Variants in DNMT1 observed in about 807,000 individuals in gnomAD.
The protein encoded by DNMT1 is DNA methyltransferase 1.
Under a neutral mutation model 205.3 loss-of-function variants are expected in DNMT1, and 24 were observed. That is an observed-to-expected ratio of 0.12 (90% CI 0.08 to 0.16). DNMT1 has a LOEUF of 0.16. Among genes scored for constraint, DNMT1 ranks in the 10% least tolerant of loss-of-function variants. The probability of loss-of-function intolerance (pLI) is 1.00; values close to 1 mark genes in which losing one functional copy is unlikely to be tolerated. For synonymous variants in DNMT1, 817 were observed against 839.8 expected (o/e 0.97, Z 0.47); for missense variants, 1,293 against 2,177.7 (o/e 0.59, Z 8.09).
intron 13 of DNMT1, among the ~76,000 whole-genome samples, chr19:10,162,001 C>T (rs892283004): frequency 6.6e-6 from 1 of 151,914 alleles, no homozygotes; most frequent in Admixed American, 6.6e-5. Context: ...ATCACCACAA[C>T]TGGCTAATTT....
At position 10,154,498 on chromosome 19, in the gene DNMT1, C is replaced by A. The variant is rs779863134; in HGVS notation, c.1833-19G>T. ...GGCTCGCCTACGGGAGAGGTTCCAG[C>A]ATCTCAGAGGACTGGGACAGAGGAT... On this transcript the variant is annotated intron_variant, in intron 21 of 40. Coordinates refer to ENST00000359526, the MANE Select transcript of DNMT1 (RefSeq NM_001130823.3). This position sits in a 1 kb window ranked among gnomAD's most constrained non-coding sequence, Gnocchi z 6.3. 4 of 1,614,176 alleles carry A rather than the reference C, an allele frequency of 2.5e-6. No homozygotes were observed. The highest frequency in any genetic ancestry group is 3.4e-6 in the Non-Finnish European group (4 of 1,180,040).
chr19:10,168,765 A>G (rs1165604237), intron 9 of DNMT1, among the ~76,000 whole-genome samples: 1 of 152,230 alleles, frequency 6.6e-6, no homozygotes, highest in Non-Finnish European at 1.5e-5. Context: ...TATTAAAGGA[A>G]TGAAATAGGA....
At chr19:10,149,389 A>G (rs930992437) in intron 26 of DNMT1, 64 bp downstream of exon 26, 7 of 1,560,626 alleles carry the variant, frequency 4.5e-6, no homozygotes, top group African/African-American at 4.1e-5. Context: ...AACAAAACAG[A>G]ACGCACGTCA....
In DNMT1 at chr19:10,137,088, C is replaced by T; in HGVS notation, c.4486G>A (p.Glu1496Lys). ...GALRGVCSCV[E>K]AGKACDPAAR... is the part of the protein sequence containing the mutation. ...AACCACAACTTACAGGACCCACCTT[C>T]CACGCAGGAGCAGACCCCACGGAGG... Residue 1496 changes from glutamate (E) to lysine (K), a missense_variant, in exon 37 of 41, where the codon GAA becomes AAA. Physicochemically the swap from Glu to Lys is moderately conservative, Grantham distance 56. Around this residue, in one of 13 missense-constraint regions of DNMT1, gnomAD observed 148 missense variants for 256.1 expected, o/e 0.58. Coordinates refer to ENST00000359526, the MANE Select transcript of DNMT1 (RefSeq NM_001130823.3). This position sits in a 1 kb window ranked among gnomAD's most constrained non-coding sequence, Gnocchi z 6.4. 1 of 1,611,924 alleles carries T rather than the reference C, an allele frequency of 6.2e-7. No individual in the cohort carries two copies. Among genetic ancestry groups the T allele is most frequent in the Non-Finnish European group, 8.5e-7 (1 of 1,179,518 alleles).
chr19:10,148,829 G>A, intron 27 of DNMT1, 55 bp downstream of exon 27: 1 of 1,613,400 alleles, frequency 6.2e-7, no homozygotes, highest in Non-Finnish European at 8.5e-7. Context: ...ACGGGAAAAG[G>A]GAGTGATGTG....
chr19:10,160,525 G>T, intron 13 of DNMT1, 107 bp from the exon 14 acceptor site: 1 of 1,252,558 alleles, frequency 8.0e-7, no homozygotes, highest in Non-Finnish European at 1.1e-6. Context: ...AAAACAGAGA[G>T]AAGGGGAGGG....
At chr19:10,134,144 C>A in intron 40 of DNMT1, 73 bp downstream of exon 40, 1 of 1,554,360 alleles carries the variant, frequency 6.4e-7, no homozygotes, top group African/African-American at 1.4e-5. Context: ...AAAACGGTGG[C>A]CAGCAACTGC....
At chr19:10,180,981 A>G (rs1004101678) in intron 2 of DNMT1, 96 bp from the exon 3 acceptor site, 7 of 947,572 alleles carry the variant, frequency 7.4e-6, no homozygotes, top group Non-Finnish European at 1.0e-5. Context: ...TCACATCACA[A>G]TGAGTGAATG....
Position 10,139,617 on chromosome 19 carries a change from C to T in DNMT1, c.3948+59G>A, listed in dbSNP as rs181483992. ...CCTGCCTTCAGTAAGGGATGGCTGG[C>T]TGCTGGCCGGGTCACGTGCTGGCCA... On this transcript the variant is annotated intron_variant, in intron 34 of 40. Transcript: ENST00000359526. The T allele has an allele frequency of 5.7e-6, 9 of 1,585,082 alleles. No individual in the cohort carries two copies. In the Admixed American group the frequency reaches 1.6e-4, roughly 28 times the overall value.
Position 10,146,335 on chromosome 19 carries a change from C to T in DNMT1, c.2894+16G>A, listed in dbSNP as rs765581320. The stretch of plus-strand genomic sequence containing the variant: ...CTGGAGCGCCCTGGCCCCGGCTGCT[C>T]CGAGGGGGCACTTACTTGAACGTGA... On this transcript the variant is annotated intron_variant, in intron 28 of 40. Transcript: ENST00000359526. This position sits in a 1 kb window ranked among gnomAD's most constrained non-coding sequence, Gnocchi z 4.4. 6.2e-7 allele frequency: 1 copy of T among 1,613,574 alleles called. No individual in the cohort carries two copies. Among genetic ancestry groups the T allele is most frequent in the Non-Finnish European group, 8.5e-7 (1 of 1,179,892 alleles).
intron 5 of DNMT1, among the ~76,000 whole-genome samples, chr19:10,179,592 C>T (rs1360055027): frequency 1.8e-4 from 28 of 152,078 alleles, no homozygotes; most frequent in Non-Finnish European, 4.0e-4. Flanking sequence ...CCAGTAATTA[C>T]TAGTGAGGAT....
rs746163207 is a variant in DNMT1 at position 10,140,285 on chromosome 19, C to T, written c.3567G>A (p.Ala1189=). 20 of 1,613,844 alleles carry T rather than the reference C, an allele frequency of 1.2e-5. No homozygotes were observed. The highest frequency in any genetic ancestry group is 6.6e-5 in the South Asian group (6 of 91,074). ...GGTTGTTCAGCCGGAACGCCTGGGC[C>T]GCAGGGTCCCACATCTCGATGGCCC... ...TLWAIEMWDP[A]AQAFRLNNPG... Residue 1189 remains alanine, a synonymous_variant, in exon 33 of 41, where the codon GCG becomes GCA. Coordinates refer to ENST00000359526, the MANE Select transcript of DNMT1 (RefSeq NM_001130823.3). The surrounding 1 kb of genome is among the most constrained non-coding windows in gnomAD (Gnocchi z 8.4).
intron 1 of DNMT1, among the ~76,000 whole-genome samples, chr19:10,192,830 C>T (rs1200128989): frequency 1.3e-5 from 2 of 151,928 alleles, no homozygotes; most frequent in Admixed American, 6.6e-5. Context: ...AGGTGGATCA[C>T]GAGGTCAGGA....
chr19:10,165,022 G>A (rs1377028725), intron 11 of DNMT1, among the ~76,000 whole-genome samples: 1 of 149,560 alleles, frequency 6.7e-6, no homozygotes, highest in Non-Finnish European at 1.5e-5. Flanking sequence ...GCCACTTTGG[G>A]GGACTGAGAT....
intron 9 of DNMT1, among the ~76,000 whole-genome samples, chr19:10,168,600 G>A (rs558965540): frequency 6.6e-6 from 1 of 152,272 alleles, no homozygotes; most frequent in East Asian, 1.9e-4. Context: ...TTCTTCTTCA[G>A]TGGGGTAAGT....
intron 37 of DNMT1, 36 bp from the exon 38 acceptor site, chr19:10,136,323 G>C: frequency 6.2e-7 from 1 of 1,611,688 alleles, no homozygotes; most frequent in Non-Finnish European, 8.5e-7. Flanking sequence ...TGCAGTTGTG[G>C]GATGGGGTAT....
At chr19:10,177,234 T>A in intron 6 of DNMT1, 58 bp downstream of exon 6, 1 of 1,530,618 alleles carries the variant, frequency 6.5e-7, no homozygotes, top group Non-Finnish European at 9.0e-7. Context: ...CCCTACCAAT[T>A]CCATCCCAAA....
intron 1 of DNMT1, among the ~76,000 whole-genome samples, chr19:10,189,229 C>T (rs1321411172): frequency 2.0e-5 from 3 of 151,020 alleles, no homozygotes; most frequent in Non-Finnish European, 2.9e-5. Flanking sequence ...AAGCAATTTT[C>T]CTGCCTCAGC....
chr19:10,143,941 C>T lies in DNMT1; in HGVS notation c.2941G>A (p.Asp981Asn), dbSNP rs1489509959. The change falls in exon 29 of 41, where the codon GAT (aspartate) becomes AAT (asparagine). Residue 981 changes from aspartate to asparagine, a missense_variant. Asp to Asn is a conservative substitution (Grantham distance 23, BLOSUM62 1). Coordinates refer to ENST00000359526, the MANE Select transcript of DNMT1 (RefSeq NM_001130823.3). ...PVKRPRKEPV[D>N]EDLYPEHYRK... Reference sequence around the variant, plus strand: ...TAGTGCTCTGGGTACAGGTCCTCATCCACGGGCTCCTTCCGTGGGCGTTTC... The same window carrying T: ...TAGTGCTCTGGGTACAGGTCCTCATTCACGGGCTCCTTCCGTGGGCGTTTC... 2 of 1,614,116 alleles carry T rather than the reference C, an allele frequency of 1.2e-6. No individual in the cohort carries two copies. Among genetic ancestry groups the T allele is most frequent in the Admixed American group, 1.7e-5 (1 of 60,008 alleles).
Sources: gnomAD v4.1 joint callset for allele counts (sites outside exome capture counted in the v4.1 genomes callset) on GRCh38, gnomAD v4.1.1 for gene constraint, gnomAD v4.1.1 regional missense constraint, Gnocchi (gnomAD v3.1) non-coding constraint, MANE v1.5 for transcripts, NCBI Gene and HGNC (gene_info 2026-07-23, HGNC 2026-07-21) for gene names.